DPP6: variants seen among roughly 807,000 people sequenced by gnomAD.
The protein encoded by DPP6 is A-type potassium channel modulatory protein DPP6.
Under a neutral mutation model 122.6 loss-of-function variants are expected in DPP6, and 69 were observed. The ratio of observed to expected loss-of-function variants is 0.56; its 90% CI spans 0.46 to 0.69. DPP6 has a LOEUF of 0.69. DPP6 is among the 30% of genes least tolerant of loss of function. DPP6 has a pLI of 0.00. For synonymous variants in DPP6, 418 were observed against 433.1 expected (o/e 0.97, Z 0.43); for missense variants, 928 against 1,116.9 (o/e 0.83, Z 2.41).
At chr7:154,425,539 G>C (rs1157451309) in intron 1 of DPP6, among the ~76,000 whole-genome samples, 1 of 151,970 alleles carries the variant, frequency 6.6e-6, no homozygotes, top group African/African-American at 2.4e-5. Flanking sequence ...ATACATGCAG[G>C]AGTGTGGTGG....
chr7:153,854,099 G>T, the DPP6 span, among the ~76,000 whole-genome samples: 1 of 147,614 alleles, frequency 6.8e-6, no homozygotes, highest in Non-Finnish European at 1.5e-5. Context: ...TTATTAAATA[G>T]GGAATCCTTT....
At chr7:153,922,555 A>G (rs988862992) in intron 1 of DPP6, among the ~76,000 whole-genome samples, 21 of 152,148 alleles carry the variant, frequency 1.4e-4, no homozygotes, top group African/African-American at 4.1e-4. Flanking sequence ...GCTTAACTGC[A>G]TTTCTCCAGG....
At chr7:154,572,475 A>G (rs1452293416) in intron 5 of DPP6, among the ~76,000 whole-genome samples, 2 of 150,522 alleles carry the variant, frequency 1.3e-5, no homozygotes, top group Non-Finnish European at 3.0e-5. Flanking sequence ...CAATTCAGGT[A>G]ATTCTGAGTA....
chr7:154,163,376 A>G (rs1797076401), intron 1 of DPP6, among the ~76,000 whole-genome samples: 1 of 152,168 alleles, frequency 6.6e-6, no homozygotes, highest in South Asian at 2.1e-4. Context: ...TTACTTGCTC[A>G]TGGCTTTTTG....
intron 16 of DPP6, among the ~76,000 whole-genome samples, chr7:154,843,859 G>A (rs1210902551): frequency 2.0e-5 from 3 of 152,230 alleles, no homozygotes; most frequent in Non-Finnish European, 4.4e-5. Flanking sequence ...TCTGGTGGTT[G>A]TACTGGCCAC....
Position 153,969,947 on chromosome 7 carries a change from G to A in DPP6, c.51+82213G>A, listed in dbSNP as rs1303747539. On this transcript the variant is annotated intron_variant, in intron 1 of 25. Coordinates refer to the DPP6 transcript ENST00000404039. ...GGAATCATGGAGTACCTATCATTTG[G>A]GTCTGGCCTCCTTCTCAGTACAATA... 4.0e-5 allele frequency among the ~76,000 whole-genome samples: 6 copies of A among 151,762 alleles called. 1 individual carries two copies. Among genetic ancestry groups the A allele is most frequent in the Non-Finnish European group, 7.4e-5 (5 of 68,008 alleles).
At chr7:154,084,741 G>A (rs931811497) in intron 1 of DPP6, among the ~76,000 whole-genome samples, 1 of 146,000 alleles carries the variant, frequency 6.8e-6, no homozygotes, top group African/African-American at 2.6e-5. Context: ...TGTAATCCCA[G>A]CACTTTGGGA....
At chr7:154,049,140 A>G (rs551669983), upstream of DPP6, among the ~76,000 whole-genome samples, 32 of 151,436 alleles carry the variant, frequency 2.1e-4, 1 homozygote, top group African/African-American at 7.3e-4. Context: ...CACTTACCCA[A>G]TAAGTAGGAA....
intron 1 of DPP6, among the ~76,000 whole-genome samples, chr7:153,924,142 A>G (rs1800778886): frequency 6.6e-6 from 1 of 150,596 alleles, no homozygotes; most frequent in South Asian, 2.1e-4. Flanking sequence ...TTCGAGACGG[A>G]GTCTTGCTCT....
At chr7:154,078,535 G>C (rs990320168) in intron 1 of DPP6, among the ~76,000 whole-genome samples, 1 of 152,140 alleles carries the variant, frequency 6.6e-6, no homozygotes, top group Non-Finnish European at 1.5e-5. Flanking sequence ...AGCTCATTTA[G>C]TGACAAAGTT....
intron 5 of DPP6, among the ~76,000 whole-genome samples, chr7:154,619,100 T>C (rs1366839703): frequency 6.6e-6 from 1 of 152,190 alleles, no homozygotes; most frequent in Non-Finnish European, 1.5e-5. Context: ...CCTTCAGCCA[T>C]GATGATGAGG....
chr7:153,977,977 A>G (rs2129036536), intron 1 of DPP6, among the ~76,000 whole-genome samples: 1 of 152,162 alleles, frequency 6.6e-6, no homozygotes, highest in East Asian at 1.9e-4. Context: ...GGTTGGTTCC[A>G]AGTCTTTGCT....
intron 6 of DPP6, among the ~76,000 whole-genome samples, chr7:154,641,873 G>A (rs545427374): frequency 7.9e-5 from 12 of 152,174 alleles, no homozygotes; most frequent in East Asian, 7.7e-4. Flanking sequence ...ATTTTTTTAC[G>A]TGACTGGCCA....
chr7:154,320,580 G>T (rs1006178676), intron 1 of DPP6, among the ~76,000 whole-genome samples: 7 of 152,166 alleles, frequency 4.6e-5, no homozygotes, highest in African/African-American at 1.7e-4. Context: ...GCCTTCCAGG[G>T]TTTAAGCGAT....
intron 6 of DPP6, among the ~76,000 whole-genome samples, chr7:154,646,012 A>G (rs1298091389): frequency 2.2e-5 from 2 of 92,462 alleles, no homozygotes; most frequent in Admixed American, 1.8e-4. Flanking sequence ...CGGGCGGCAG[A>G]GTGAGACTCC....
intron 9 of DPP6, 108 bp downstream of exon 9, chr7:154,769,679 C>A: frequency 7.5e-7 from 1 of 1,329,206 alleles, no homozygotes; most frequent in South Asian, 2.1e-5. Context: ...ATGAGCAAAG[C>A]AGTTAACACA....
intron 7 of DPP6, among the ~76,000 whole-genome samples, chr7:154,672,437 CACAA>C (rs1838625896): frequency 1.3e-5 from 2 of 152,258 alleles, no homozygotes; most frequent in Admixed American, 6.5e-5. Flanking sequence ...AAGATGAAAG[CACAA>C]ACAGATTGAT....
chr7:153,919,715 T>C (rs1800543416), intron 1 of DPP6, among the ~76,000 whole-genome samples: 2 of 152,142 alleles, frequency 1.3e-5, no homozygotes, highest in Admixed American at 1.3e-4. Flanking sequence ...GCATGTAATA[T>C]TGTGTCAAAT....
At chr7:154,332,692 T>C (rs1809056676) in intron 1 of DPP6, among the ~76,000 whole-genome samples, 1 of 152,244 alleles carries the variant, frequency 6.6e-6, no homozygotes, top group Non-Finnish European at 1.5e-5. Context: ...TTCATGGATC[T>C]AGGTTTATAA....
Sources: allele counts gnomAD v4.1 joint callset (sites outside exome capture counted in the v4.1 genomes callset), GRCh38; gene constraint gnomAD v4.1.1; transcripts MANE v1.5; gene names NCBI Gene and HGNC (gene_info 2026-07-23, HGNC 2026-07-21).